The following EEFSEC variants were observed in gnomAD, a reference collection of about 807,000 sequenced individuals.
The protein encoded by EEFSEC is selenocysteine-specific elongation factor.
A neutral mutation model predicts 42.1 loss-of-function variants in EEFSEC; 43 were observed. That is an observed-to-expected ratio of 1.02 (90% CI 0.80 to 1.32). EEFSEC has a LOEUF of 1.32. EEFSEC is among the 40% of genes most tolerant of loss of function. The pLI is 0.00. For synonymous variants in EEFSEC, 354 were observed against 339.1 expected (o/e 1.04, Z -0.48); for missense variants, 745 against 803.6 (o/e 0.93, Z 0.88).
At chr3:128,320,849 G>T (rs1335499841) in intron 4 of EEFSEC, among the ~76,000 whole-genome samples, 2 of 152,200 alleles carry the variant, frequency 1.3e-5, no homozygotes, top group African/African-American at 4.8e-5. Context: ...GAGCTTCCTG[G>T]GCTCATGCCC....
At chr3:128,200,379 CT>C (rs1386035733) in intron 1 of EEFSEC, among the ~76,000 whole-genome samples, 1 of 152,200 alleles carries the variant, frequency 6.6e-6, no homozygotes, top group Non-Finnish European at 1.5e-5. Flanking sequence ...ACCTCCGCCT[CT>C]CAGGTTCAAG....
At chr3:128,376,051 G>A (rs2067706080) in intron 6 of EEFSEC, among the ~76,000 whole-genome samples, 1 of 152,208 alleles carries the variant, frequency 6.6e-6, no homozygotes, top group Middle Eastern at 3.2e-3. Context: ...AGCTGTCCCA[G>A]CCAGGCTTCT....
At chr3:128,407,673 TC>T (rs1045982435) in intron 6 of EEFSEC, among the ~76,000 whole-genome samples, 1 of 152,152 alleles carries the variant, frequency 6.6e-6, no homozygotes, top group African/African-American at 2.4e-5. Context: ...GGGGTCAGCC[TC>T]CCAGGCACAC....
chr3:128,385,770 C>A (rs1050365918), intron 6 of EEFSEC, among the ~76,000 whole-genome samples: 2 of 152,234 alleles, frequency 1.3e-5, no homozygotes, highest in Non-Finnish European at 2.9e-5. Context: ...GCCCTCAGCT[C>A]CCTAGCCTGA....
intron 1 of EEFSEC, among the ~76,000 whole-genome samples, chr3:128,158,176 A>G (rs1328892867): frequency 6.6e-6 from 1 of 152,220 alleles, no homozygotes; most frequent in East Asian, 1.9e-4. Flanking sequence ...AATTGCTACA[A>G]TCTCATGATC....
chr3:128,342,366 C>T (rs1012963907), intron 5 of EEFSEC, among the ~76,000 whole-genome samples: 2 of 152,252 alleles, frequency 1.3e-5, no homozygotes, highest in African/African-American at 4.8e-5. Flanking sequence ...GAAACACTGC[C>T]CATCAGTGGT....
chr3:128,380,017 T>C (rs2067755883), intron 6 of EEFSEC, among the ~76,000 whole-genome samples: 1 of 152,248 alleles, frequency 6.6e-6, no homozygotes, highest in African/African-American at 2.4e-5. Context: ...GAGGCTGGCA[T>C]GTAAGGTATA....
At chr3:128,421,794 C>T in the EEFSEC span, among the ~76,000 whole-genome samples, 3 of 152,162 alleles carry the variant, frequency 2.0e-5, no homozygotes, top group Admixed American at 6.5e-5. Context: ...GACCTGTGGG[C>T]ACCAGGAAGC....
chr3:128,422,348 T>C, the EEFSEC span, among the ~76,000 whole-genome samples: 1 of 152,228 alleles, frequency 6.6e-6, no homozygotes, highest in Non-Finnish European at 1.5e-5. Context: ...CCCACTGCTC[T>C]GTCAGGGGGA....
At chr3:128,234,240 A>G (rs1408652198) in intron 1 of EEFSEC, among the ~76,000 whole-genome samples, 2 of 151,950 alleles carry the variant, frequency 1.3e-5, no homozygotes, top group East Asian at 3.9e-4. Flanking sequence ...TTTAGTAGAG[A>G]TGGCATTTCA....
intron 1 of EEFSEC, among the ~76,000 whole-genome samples, chr3:128,205,841 C>T (rs1043956862): frequency 6.6e-6 from 1 of 152,194 alleles, no homozygotes; most frequent in Non-Finnish European, 1.5e-5. Flanking sequence ...TCAGGAGGCC[C>T]TGGCCTGCTA....
chr3:128,325,007 A>G (rs1242240074), intron 4 of EEFSEC, among the ~76,000 whole-genome samples: 2 of 152,194 alleles, frequency 1.3e-5, no homozygotes, highest in South Asian at 4.1e-4. Flanking sequence ...AAGCTTCATA[A>G]CAAAGAGAGA....
At chr3:128,182,878 C>CGG (rs1262106998) in intron 1 of EEFSEC, among the ~76,000 whole-genome samples, 47 of 4,550 alleles carry the variant, frequency 0.01, no homozygotes, top group Middle Eastern at 0.062. Flanking sequence ...CCACAGAGAT[C>CGG]GGGGCGGGGG....
chr3:128,339,767 A>AT (rs201450565), intron 4 of EEFSEC, among the ~76,000 whole-genome samples: 26 of 152,334 alleles, frequency 1.7e-4, no homozygotes, highest in Admixed American at 4.6e-4. Context: ...TGGGTAATTT[A>AT]TTTTTTAAAA....
At chr3:128,276,941 GGGCTGGA>G (rs2066474607) in intron 4 of EEFSEC, among the ~76,000 whole-genome samples, 1 of 152,256 alleles carries the variant, frequency 6.6e-6, no homozygotes, top group Non-Finnish European at 1.5e-5. Context: ...GAGGTCAGCA[GGGCTGGA>G]GGCCAGGGCA....
At chr3:128,288,216 G>C (rs1184143441) in intron 4 of EEFSEC, among the ~76,000 whole-genome samples, 3 of 152,112 alleles carry the variant, frequency 2.0e-5, no homozygotes, top group Admixed American at 6.5e-5. Flanking sequence ...GTTTTCACAG[G>C]ATCCCTAGGA....
intron 4 of EEFSEC, among the ~76,000 whole-genome samples, chr3:128,279,203 G>A (rs939590653): frequency 6.6e-6 from 1 of 152,192 alleles, no homozygotes; most frequent in Non-Finnish European, 1.5e-5. Context: ...CCCTTACTGC[G>A]GGCAGGGGTG....
chr3:128,273,021 G>A lies in EEFSEC; in HGVS notation c.786+8240G>A, dbSNP rs576032179. Among the ~76,000 whole-genome samples, 4 of 152,322 alleles carry A rather than the reference G, an allele frequency of 2.6e-5. No individual in the cohort carries two copies. The East Asian group carries it at 7.7e-4, about 29-fold the overall frequency. On this transcript the variant is annotated intron_variant, in intron 4 of 6. Transcript: ENST00000254730. ...CCTGGCTTCCTCCAGAGGTTGTCAT[G>A]AGGATTTGACAAGAGCCACGTAGCG...
chr3:128,235,404 T>A (rs1460696222), intron 1 of EEFSEC, among the ~76,000 whole-genome samples: 1 of 152,090 alleles, frequency 6.6e-6, no homozygotes, highest in Non-Finnish European at 1.5e-5. Context: ...TGCTCTTGAG[T>A]CAGTAACGTA....
Sources: gnomAD v4.1 joint callset for allele counts (sites outside exome capture counted in the v4.1 genomes callset) on GRCh38, gnomAD v4.1.1 for gene constraint, MANE v1.5 for transcripts, NCBI Gene and HGNC (gene_info 2026-07-23, HGNC 2026-07-21) for gene names.